The following SHANK2 variants were observed in gnomAD, a reference collection of about 807,000 sequenced individuals.
SHANK2 encodes the protein SH3 and multiple ankyrin repeat domains protein 2.
Under a neutral mutation model 133.7 loss-of-function variants are expected in SHANK2, and 43 were observed. The observed-to-expected ratio is 0.32, with a 90% CI of 0.25 to 0.41. The LOEUF is 0.41. SHANK2 is among the 10% of genes least tolerant of loss of function. SHANK2 has a pLI of 1.00. For synonymous variants in SHANK2, 1,017 were observed against 952.8 expected (o/e 1.07, Z -1.24); for missense variants, 1,994 against 2,235.8 (o/e 0.89, Z 2.18).
At chr11:70,596,455 C>T (rs868930941) in intron 17 of SHANK2, among the ~76,000 whole-genome samples, 2 of 152,114 alleles carry the variant, frequency 1.3e-5, no homozygotes, top group African/African-American at 2.4e-5. Context: ...ACCCCCTACC[C>T]GGGTTCTAGG....
rs1273052551 is a variant in SHANK2, at chr11:70,742,230, TTCCTCCTCCTTCTGC to T, written c.1778-43482_1778-43468del. ...GCAGTCCTCTATGAAGCAAAGCCCC[TTCCTCCTCCTTCTGC>T]TGGCAATCTCCTACTCATCCTTCAA... On this transcript the variant is annotated intron_variant, in intron 14 of 25. Transcript: ENST00000601538. Among the ~76,000 whole-genome samples, 5 of 152,228 alleles carry T rather than the reference TTCCTCCTCCTTCTGC, an allele frequency of 3.3e-5. No individual in the cohort carries two copies. The East Asian group carries it at 5.8e-4, about 18-fold the overall frequency.
chr11:71,232,574 C>T (rs1555123094), intron 1 of SHANK2, among the ~76,000 whole-genome samples: 1 of 152,120 alleles, frequency 6.6e-6, no homozygotes, highest in East Asian at 1.9e-4. Flanking sequence ...TCCTCCTCTT[C>T]AGCCCACTCA....
At chr11:70,949,425 G>A (rs1377209180) in intron 10 of SHANK2, among the ~76,000 whole-genome samples, 4 of 152,204 alleles carry the variant, frequency 2.6e-5, no homozygotes, top group South Asian at 2.1e-4. Flanking sequence ...GACTCCGCCC[G>A]TCATGTGGGG....
At chr11:70,751,184 G>A (rs1399536803) in intron 14 of SHANK2, among the ~76,000 whole-genome samples, 5 of 152,178 alleles carry the variant, frequency 3.3e-5, no homozygotes, top group African/African-American at 1.2e-4. Context: ...GAAGCTCAAT[G>A]CATCCTAAAC....
chr11:71,192,359 G>A (rs1555115569), intron 2 of SHANK2, among the ~76,000 whole-genome samples: 1 of 152,242 alleles, frequency 6.6e-6, no homozygotes, highest in African/African-American at 2.4e-5. Context: ...GACCTGTGGT[G>A]ACGGGGCTCC....
chr11:70,903,825 A>C (rs1754771182), intron 10 of SHANK2, among the ~76,000 whole-genome samples: 1 of 152,224 alleles, frequency 6.6e-6, no homozygotes, highest in African/African-American at 2.4e-5. Flanking sequence ...GCTGTGTGCC[A>C]GATGCAAAGC....
At chr11:70,583,532 C>A (rs1242799195) in intron 17 of SHANK2, among the ~76,000 whole-genome samples, 1 of 152,188 alleles carries the variant, frequency 6.6e-6, no homozygotes, top group Admixed American at 6.5e-5. Flanking sequence ...GGCTGGCTGA[C>A]TTCTGGCTCC....
intron 14 of SHANK2, among the ~76,000 whole-genome samples, chr11:70,788,699 C>T (rs1947721608): frequency 6.6e-6 from 1 of 152,194 alleles, no homozygotes; most frequent in African/African-American, 2.4e-5. Flanking sequence ...AGGTCCCCAT[C>T]CTTCTCCTGC....
intron 14 of SHANK2, among the ~76,000 whole-genome samples, chr11:70,775,403 C>G (rs1947340982): frequency 1.3e-5 from 2 of 152,124 alleles, no homozygotes; most frequent in Admixed American, 6.5e-5. Flanking sequence ...TTGCAGTGAG[C>G]CAAGATGGTG....
rs570961740 is a variant in SHANK2 at position 70,882,226 on chromosome 11, G to A, written c.1174+14275C>T. On this transcript the variant is annotated intron_variant, in intron 11 of 25. Coordinates refer to ENST00000601538, the MANE Select transcript of SHANK2 (RefSeq NM_012309.5). This position sits in a 1 kb window ranked among gnomAD's most constrained non-coding sequence, Gnocchi z 4.2. Reference sequence around the variant, plus strand: ...GGAATGAGCAAGGGAGAAGGAAGTGGAGGAGAGAAGAACGGGTGGCTCTGC... The same window carrying A: ...GGAATGAGCAAGGGAGAAGGAAGTGAAGGAGAGAAGAACGGGTGGCTCTGC... Among the ~76,000 whole-genome samples, 3 of 152,250 alleles carry A rather than the reference G, an allele frequency of 2.0e-5. No homozygotes were observed. The South Asian group carries it at 6.2e-4, about 32-fold the overall frequency.
At chr11:71,061,610 T>C (rs943841099) in intron 9 of SHANK2, among the ~76,000 whole-genome samples, 2 of 152,138 alleles carry the variant, frequency 1.3e-5, no homozygotes, top group African/African-American at 2.4e-5. Context: ...CCCCCAGCAA[T>C]GCCCTTTCCC....
intron 1 of SHANK2, among the ~76,000 whole-genome samples, chr11:71,240,110 G>C (rs895157858): frequency 2.0e-5 from 3 of 152,162 alleles, no homozygotes; most frequent in African/African-American, 7.2e-5. Flanking sequence ...ATTTAACCAG[G>C]CTTGGTCTAC....
Position 70,738,981 on chromosome 11 carries a change from C to T in SHANK2, c.1778-40218G>A, listed in dbSNP as rs140749425. Among the ~76,000 whole-genome samples, 18 of 152,260 alleles carry T rather than the reference C, an allele frequency of 1.2e-4. No homozygotes were observed. In the East Asian group the frequency reaches 3.5e-3, roughly 29 times the overall value. On this transcript the variant is annotated intron_variant, in intron 14 of 25. Transcript: ENST00000601538. ...CCATGTAGGGAGGGGGTCTGTGGCC[C>T]GACGGAAGGACCTGTGGTGTTCAGA...
At chr11:70,522,002 A>G (rs782405138) in intron 17 of SHANK2, among the ~76,000 whole-genome samples, 7 of 152,172 alleles carry the variant, frequency 4.6e-5, no homozygotes, top group Non-Finnish European at 1.0e-4. Context: ...CCTTTGGGCT[A>G]TGTTCACATC....
intron 2 of SHANK2, among the ~76,000 whole-genome samples, chr11:71,204,575 A>C (rs916711536): frequency 9.9e-5 from 15 of 152,150 alleles, no homozygotes; most frequent in Non-Finnish European, 1.8e-4. Context: ...CTTCACCCTG[A>C]CACCTGGACG....
intron 14 of SHANK2, among the ~76,000 whole-genome samples, chr11:70,728,536 A>G (rs1946220025): frequency 6.6e-6 from 1 of 152,252 alleles, no homozygotes; most frequent in Admixed American, 6.5e-5. Context: ...CCACAGGTCC[A>G]GAGCTTCTGA....
intron 12 of SHANK2, among the ~76,000 whole-genome samples, chr11:70,813,098 C>T (rs1030373022): frequency 6.6e-6 from 1 of 151,950 alleles, no homozygotes; most frequent in Non-Finnish European, 1.5e-5. Flanking sequence ...TGCAGACCCC[C>T]GTGAATGGTA....
intron 6 of SHANK2, among the ~76,000 whole-genome samples, chr11:71,106,180 G>C (rs1555097874): frequency 6.6e-6 from 1 of 152,264 alleles, no homozygotes; most frequent in African/African-American, 2.4e-5. Context: ...AAGGGAGGCA[G>C]GGGAAGAGGA....
rs115273501 is a variant in SHANK2, at chr11:70,652,270, T to G, written c.2061+7558A>C. On this transcript the variant is annotated intron_variant, in intron 17 of 25. Coordinates refer to ENST00000601538, the MANE Select transcript of SHANK2 (RefSeq NM_012309.5). Reference sequence around the variant, plus strand: ...GGGGTGGGACAGGTACCTCTATTAGTGATGTTCCTCACAACAGAGGCACAA... The same window carrying G: ...GGGGTGGGACAGGTACCTCTATTAGGGATGTTCCTCACAACAGAGGCACAA... Among the ~76,000 whole-genome samples, 582 of 152,246 alleles carry G rather than the reference T, an allele frequency of 3.8e-3. 3 individuals are homozygous for G. Among genetic ancestry groups the G allele is most frequent in the African/African-American group, 0.013 (530 of 41,550 alleles).
Sources: allele counts gnomAD v4.1 joint callset (sites outside exome capture counted in the v4.1 genomes callset), GRCh38; gene constraint gnomAD v4.1.1; non-coding constraint Gnocchi (gnomAD v3.1); transcripts MANE v1.5; gene names NCBI Gene and HGNC (gene_info 2026-07-23, HGNC 2026-07-21).